LYSMD2: variants seen among roughly 807,000 people sequenced by gnomAD.
LYSMD2 encodes lysM and putative peptidoglycan-binding domain-containing protein 2.
A neutral mutation model predicts 17.7 loss-of-function variants in LYSMD2; 6 were observed. The ratio of observed to expected loss-of-function variants is 0.34; its 90% CI spans 0.19 to 0.67. The LOEUF is 0.67. LYSMD2 is among the 30% of genes least tolerant of loss of function. LYSMD2 has a pLI of 0.69. For missense variants in LYSMD2, 237 were observed against 286.7 expected, an observed-to-expected ratio of 0.83 and a Z score of 1.25; for synonymous variants, 102 against 129.8, an observed-to-expected ratio of 0.79 and a Z score of 1.45.
intron 1 of LYSMD2, among the ~76,000 whole-genome samples, chr15:51,735,920 C>CTG (rs2055606054): frequency 6.6e-6 from 1 of 152,222 alleles, no homozygotes; most frequent in African/African-American, 2.4e-5. Flanking sequence ...ATAGAAAAGA[C>CTG]TGTCCTCCTT....
chr15:51,740,094 G>C (rs1272340607), upstream of LYSMD2, among the ~76,000 whole-genome samples: 1 of 152,054 alleles, frequency 6.6e-6, no homozygotes, highest in Non-Finnish European at 1.5e-5. Context: ...GAGTAGCTGG[G>C]ACTACAGCAT....
Position 51,723,474 on chromosome 15 carries a change from T to C in LYSMD2, c.*133A>G. ...ATCACTTCAGTGCAACTGCAGCAGG[T>C]AGAACTACCTAGTTATGATTTTAAG... On this transcript the variant is annotated 3_prime_UTR_variant, in exon 3 of 3. Coordinates refer to ENST00000267838, the MANE Select transcript of LYSMD2 (RefSeq NM_153374.3). 1.4e-6 allele frequency: 1 copy of C among 738,190 alleles called. No homozygotes were observed. The highest frequency in any genetic ancestry group is 2.4e-6 in the Non-Finnish European group (1 of 414,886). 45.7% of individuals were successfully genotyped at this position (738,190 alleles called of 1,614,324 possible). A position where few individuals can be genotyped will look rare whatever the true frequency, so the allele number is the denominator to read the frequency against.
At chr15:51,728,129 G>C (rs911150976) in intron 1 of LYSMD2, among the ~76,000 whole-genome samples, 5 of 152,110 alleles carry the variant, frequency 3.3e-5, no homozygotes, top group Non-Finnish European at 7.4e-5. Flanking sequence ...TTCATGTAAA[G>C]TATTTAGAAC....
At chr15:51,751,429 C>A (rs1237035637) in exon 1 of LYSMD2, 1 of 691,162 alleles carries the variant, frequency 1.4e-6, no homozygotes, top group East Asian at 2.7e-5. Flanking sequence ...TCCTCCCCTG[C>A]AGAGCTGTGG....
At chr15:51,726,962 C>T (rs1567227109) in intron 1 of LYSMD2, among the ~76,000 whole-genome samples, 2 of 152,072 alleles carry the variant, frequency 1.3e-5, no homozygotes, top group African/African-American at 4.8e-5. Context: ...CAAGAGTACA[C>T]TATTAATTCT....
intron 1 of LYSMD2, among the ~76,000 whole-genome samples, chr15:51,735,542 CTA>C (rs1162449516): frequency 2.0e-5 from 3 of 152,144 alleles, no homozygotes; most frequent in African/African-American, 7.2e-5. Context: ...CTGTAATGAA[CTA>C]TGTGTCACTA....
chr15:51,750,144 T>A (rs1219606600), intron 1 of LYSMD2, among the ~76,000 whole-genome samples: 1 of 152,208 alleles, frequency 6.6e-6, no homozygotes, highest in Non-Finnish European at 1.5e-5. Context: ...AAGACAGGCT[T>A]ACTGAACACC....
rs920828573 is a variant in LYSMD2 at position 51,737,400 on chromosome 15, C to T, written c.223G>A (p.Val75Ile). The T allele has an allele frequency of 2.1e-6, 3 of 1,457,360 alleles. No homozygotes were observed. The highest frequency in any genetic ancestry group is 1.5e-5 in the African/African-American group (1 of 67,750). 90.3% of individuals were successfully genotyped at this position (1,457,360 alleles called of 1,614,324 possible). A position where few individuals can be genotyped will look rare whatever the true frequency, so the allele number is the denominator to read the frequency against. ...CCCTGCAGCGTGTCGCCCGCGCGGA[C>T]CCGGTGCTCCACATGGCGCTCGATG... is the stretch of plus-strand genomic sequence containing the variant. Reference protein sequence around the residue: ...GVIERHVEHRVRAGDTLQGIA... With the variant: ...GVIERHVEHRIRAGDTLQGIA... Residue 75 changes from valine to isoleucine, a missense_variant, in exon 1 of 3, where the codon GTC becomes ATC. Transcript: ENST00000267838. The surrounding 1 kb of genome is among the most constrained non-coding windows in gnomAD (Gnocchi z 4.2).
In LYSMD2 at chr15:51,737,565, G is replaced by A; in HGVS notation, c.58C>T (p.Pro20Ser). The part of the protein sequence containing the change: ...LREGGPRAPR[P>S]SAPSPPPRSR... ...CGCGGCGGCGGCGAGGGGGCCGAGGGCCGCGGCGCGCGGGGGCCGCCTTCC... is the reference window on the plus strand; with the variant it reads ...CGCGGCGGCGGCGAGGGGGCCGAGGACCGCGGCGCGCGGGGGCCGCCTTCC... Residue 20 changes from proline (P) to serine (S), a missense_variant, in exon 1 of 3, where the codon CCC (proline) becomes TCC (serine). Physicochemically the swap from Pro to Ser is moderately conservative, Grantham distance 74. Transcript: ENST00000267838. The surrounding 1 kb of genome is among the most constrained non-coding windows in gnomAD (Gnocchi z 4.2). 1 of 1,220,728 alleles carries A rather than the reference G, an allele frequency of 8.2e-7. No homozygotes were observed. The allele number at this position is 1,220,728 out of a possible 1,614,324, so 75.6% of individuals were successfully genotyped here. A position where few individuals can be genotyped will look rare whatever the true frequency, so the allele number is the denominator to read the frequency against.
chr15:51,737,670 G>GCCT (rs1246279815), upstream of LYSMD2: 227 of 1,188,778 alleles, frequency 1.9e-4, no homozygotes, highest in Middle Eastern at 3.3e-4. This position sits in a 1 kb window ranked among gnomAD's most constrained non-coding sequence, Gnocchi z 4.2. Flanking sequence ...AGGGGGCGGC[G>GCCT]CCTCCTCCTC....
intron 1 of LYSMD2, among the ~76,000 whole-genome samples, chr15:51,750,816 G>A (rs1409360776): frequency 3.3e-5 from 5 of 152,116 alleles, no homozygotes; most frequent in Non-Finnish European, 7.4e-5. Context: ...GTATATTCAG[G>A]GATGAAGTGA....
upstream of LYSMD2, among the ~76,000 whole-genome samples, chr15:51,742,136 T>C (rs2055646081): frequency 6.6e-6 from 1 of 151,840 alleles, no homozygotes; most frequent in Non-Finnish European, 1.5e-5. Context: ...CTGGGTTCAA[T>C]CGATTTTCAT....
At chr15:51,745,685 C>T (rs2055664183) in intron 1 of LYSMD2, among the ~76,000 whole-genome samples, 1 of 151,948 alleles carries the variant, frequency 6.6e-6, no homozygotes, top group South Asian at 2.1e-4. Flanking sequence ...TGGGAGAAAA[C>T]ATTTGCAAAT....
intron 2 of LYSMD2, among the ~76,000 whole-genome samples, chr15:51,724,402 A>G (rs1183011014): frequency 6.6e-6 from 1 of 152,196 alleles, no homozygotes; most frequent in Non-Finnish European, 1.5e-5. Context: ...AGTGAGAGAG[A>G]CACTTTTATT....
rs1212155958 is a variant in LYSMD2, at chr15:51,737,455, G to A, written c.168C>T (p.Ala56=). The A allele has an allele frequency of 2.8e-6, 4 of 1,427,814 alleles. No individual in the cohort carries two copies. The East Asian group carries it at 1.2e-4, about 44-fold the overall frequency. 88.4% of individuals were successfully genotyped at this position (1,427,814 alleles called of 1,614,324 possible). A position where few individuals can be genotyped will look rare whatever the true frequency, so the allele number is the denominator to read the frequency against. The change falls in exon 1 of 3, where the codon GCC becomes GCT. Residue 56 remains alanine (A), a synonymous_variant. Coordinates refer to ENST00000267838, the MANE Select transcript of LYSMD2 (RefSeq NM_153374.3). The surrounding 1 kb of genome is among the most constrained non-coding windows in gnomAD (Gnocchi z 4.2). ...CGGCGCCCAGCGGCGCCCGCACGCT[G>A]GCGGTGCTGCCGTACGAGCGGGTCT... ...RTKTRSYGST[A]SVRAPLGAGV...
upstream of LYSMD2, among the ~76,000 whole-genome samples, chr15:51,738,658 A>C (rs989732922): frequency 6.6e-6 from 1 of 152,150 alleles, no homozygotes; most frequent in African/African-American, 2.4e-5. Flanking sequence ...CTTTCCAAGA[A>C]GAGGTACCTT....
intron 1 of LYSMD2, among the ~76,000 whole-genome samples, chr15:51,746,445 G>A (rs1235967597): frequency 3.3e-5 from 5 of 152,214 alleles, no homozygotes; most frequent in Non-Finnish European, 7.3e-5. Flanking sequence ...GCCAGAGTCT[G>A]GGTGTGTAGG....
upstream of LYSMD2, chr15:51,737,701 C>T (rs553242065): frequency 2.8e-6 from 3 of 1,059,614 alleles, no homozygotes; most frequent in African/African-American, 3.3e-5. The surrounding 1 kb of genome is among the most constrained non-coding windows in gnomAD (Gnocchi z 4.2). Flanking sequence ...GCCGCCGCCT[C>T]TTCCTCTTCA....
chr15:51,732,976 G>A (rs1213161418), intron 1 of LYSMD2, among the ~76,000 whole-genome samples: 1 of 152,156 alleles, frequency 6.6e-6, no homozygotes, highest in Non-Finnish European at 1.5e-5. Flanking sequence ...TCACTCTTCG[G>A]CTCAAACCCC....
Sources: gnomAD v4.1 joint callset for allele counts (sites outside exome capture counted in the v4.1 genomes callset) on GRCh38, gnomAD v4.1.1 for gene constraint, Gnocchi (gnomAD v3.1) non-coding constraint, MANE v1.5 for transcripts, NCBI Gene and HGNC (gene_info 2026-07-23, HGNC 2026-07-21) for gene names.